PCDHA6: variants seen among roughly 807,000 people sequenced by gnomAD.
PCDHA6 encodes protocadherin alpha 6.
PCDHA6 carries 55 observed loss-of-function variants against 60.3 expected under a neutral mutation model. That is an observed-to-expected ratio of 0.91 (90% CI 0.73 to 1.14). The LOEUF is 1.14. Ranked by LOEUF, PCDHA6 falls within the 50% of genes most tolerant of loss-of-function variation. PCDHA6 has a pLI of 0.00. For missense variants in PCDHA6, 1,327 were observed against 1,256.5 expected, an observed-to-expected ratio of 1.06 and a Z score of -0.85; for synonymous variants, 652 against 557.9, an observed-to-expected ratio of 1.17 and a Z score of -2.38.
At chr5:140,834,504 C>T (rs2150219958) in intron 1 of PCDHA6, 3 of 1,614,130 alleles carry the variant, frequency 1.9e-6, no homozygotes, top group Non-Finnish European at 1.7e-6. Flanking sequence ...GGAGGCTAAA[C>T]ATGGCAACTT....
In PCDHA6 at chr5:140,913,731, A is replaced by G. The variant is rs557158674; in HGVS notation, c.2395-65218A>G. ...CAATTACAGCTACAAATTTCCCTCT[A>G]ATAGTACTCCTTTTGTTGTATCTCA... On this transcript the variant is annotated intron_variant, in intron 1 of 3. Transcript: ENST00000529310. Among the ~76,000 whole-genome samples the G allele has an allele frequency of 1.8e-4, 27 of 152,194 alleles. No homozygotes were observed. The South Asian group carries it at 2.5e-3, about 14-fold the overall frequency.
At chr5:141,001,794 T>C (rs2098037139) in intron 3 of PCDHA6, among the ~76,000 whole-genome samples, 1 of 152,184 alleles carries the variant, frequency 6.6e-6, no homozygotes, top group Non-Finnish European at 1.5e-5. Flanking sequence ...CCTGAGTATA[T>C]ACTATCATTC....
intron 1 of PCDHA6, 78 bp from the exon 2 acceptor site, chr5:140,978,871 T>G: frequency 6.2e-7 from 1 of 1,606,510 alleles, no homozygotes; most frequent in Non-Finnish European, 8.5e-7. Context: ...TTTAAGGGAG[T>G]AACTAATCAA....
At chr5:140,878,725 A>G (rs1230048195) in intron 1 of PCDHA6, among the ~76,000 whole-genome samples, 1 of 152,252 alleles carries the variant, frequency 6.6e-6, no homozygotes, top group African/African-American at 2.4e-5. Flanking sequence ...TAAAATTTCC[A>G]GCCTTATATC....
chr5:140,981,862 T>C (rs1160188291), intron 2 of PCDHA6, among the ~76,000 whole-genome samples: 1 of 152,212 alleles, frequency 6.6e-6, no homozygotes, highest in African/African-American at 2.4e-5. Flanking sequence ...CTCCCAGCAA[T>C]GTTTTATGCT....
chr5:140,895,320 T>C (rs561707282), intron 1 of PCDHA6, among the ~76,000 whole-genome samples: 2 of 152,298 alleles, frequency 1.3e-5, no homozygotes, highest in East Asian at 3.9e-4. Flanking sequence ...CCATGACTAT[T>C]GTTCTCAAAT....
chr5:140,921,268 C>G (rs2080134153), intron 1 of PCDHA6, among the ~76,000 whole-genome samples: 1 of 151,980 alleles, frequency 6.6e-6, no homozygotes, highest in Non-Finnish European at 1.5e-5. Context: ...GACTTTTATA[C>G]TTACTTGAAA....
chr5:140,850,443 C>G, intron 1 of PCDHA6: 1 of 1,597,988 alleles, frequency 6.3e-7, no homozygotes, highest in East Asian at 2.2e-5. Flanking sequence ...CCTACTGGTG[C>G]TGGTGAAAGA....
intron 3 of PCDHA6, among the ~76,000 whole-genome samples, chr5:141,000,399 A>ATT (rs2097917152): frequency 1.5e-5 from 1 of 66,842 alleles, no homozygotes; most frequent in Non-Finnish European, 2.7e-5. Context: ...CTCTCTCTAT[A>ATT]TATATATATA....
chr5:140,998,743 T>A (rs2097832293), intron 3 of PCDHA6, among the ~76,000 whole-genome samples: 1 of 152,138 alleles, frequency 6.6e-6, no homozygotes, highest in Non-Finnish European at 1.5e-5. Flanking sequence ...TTTGTATTTT[T>A]AGAAGAGACA....
At chr5:140,925,108 G>GGAGGGAA (rs1554202548) in intron 1 of PCDHA6, among the ~76,000 whole-genome samples, 1 of 124,702 alleles carries the variant, frequency 8.0e-6, no homozygotes, top group African/African-American at 3.3e-5. Context: ...GAAGGAAGGA[G>GGAGGGAA]GGAAGGAAGG....
intron 1 of PCDHA6, among the ~76,000 whole-genome samples, chr5:140,947,556 A>C (rs1281977555): frequency 1.3e-5 from 2 of 151,584 alleles, no homozygotes; most frequent in Admixed American, 6.6e-5. Flanking sequence ...TTCCGCTGGG[A>C]TTTATATTGG....
At chr5:140,946,151 C>T (rs943826321) in intron 1 of PCDHA6, among the ~76,000 whole-genome samples, 6 of 151,694 alleles carry the variant, frequency 4.0e-5, no homozygotes, top group East Asian at 1.9e-4. Context: ...ACAAATAACA[C>T]GATTTAAAAG....
intron 1 of PCDHA6, chr5:140,862,653 G>A: frequency 1.8e-6 from 1 of 544,670 alleles, no homozygotes; most frequent in Non-Finnish European, 3.7e-6. Context: ...TGTCCGCGCG[G>A]GACCGGGACG....
chr5:140,859,066 G>A (rs949613185), intron 1 of PCDHA6: 1 of 150,848 alleles, frequency 6.6e-6, no homozygotes, highest in Non-Finnish European at 1.5e-5. Flanking sequence ...TATTTTAGTT[G>A]TAGTGGTACC....
At chr5:140,923,134 G>C (rs962370475) in intron 1 of PCDHA6, among the ~76,000 whole-genome samples, 2 of 152,106 alleles carry the variant, frequency 1.3e-5, no homozygotes, top group Non-Finnish European at 1.5e-5. Flanking sequence ...CACTTTGAAG[G>C]TGGAATATAA....
intron 1 of PCDHA6, among the ~76,000 whole-genome samples, chr5:140,840,393 T>C (rs1266640597): frequency 6.6e-6 from 1 of 151,926 alleles, no homozygotes; most frequent in African/African-American, 2.4e-5. Flanking sequence ...GTTGCAGATA[T>C]GGAGTTAAGA....
chr5:140,871,328 G>T (rs374687707), intron 1 of PCDHA6: 4 of 1,614,128 alleles, frequency 2.5e-6, no homozygotes, highest in African/African-American at 1.3e-5. Context: ...GTGTGCTCCC[G>T]CGCGGTGGGG....
intron 1 of PCDHA6, among the ~76,000 whole-genome samples, chr5:140,957,220 G>A (rs1356437193): frequency 2.6e-5 from 4 of 152,192 alleles, no homozygotes; most frequent in Non-Finnish European, 5.9e-5. Flanking sequence ...CAAAAATTTG[G>A]CGAAGCATTT....
Sources: allele counts gnomAD v4.1 joint callset (sites outside exome capture counted in the v4.1 genomes callset), GRCh38; gene constraint gnomAD v4.1.1; transcripts MANE v1.5; gene names NCBI Gene and HGNC (gene_info 2026-07-23, HGNC 2026-07-21).